IBTK: variants seen among roughly 807,000 people sequenced by gnomAD.
The protein encoded by IBTK is BTK-binding protein.
IBTK carries 83 observed loss-of-function variants against 154.9 expected under a neutral mutation model. The observed-to-expected ratio is 0.54, with a 90% CI of 0.45 to 0.64. The LOEUF is 0.64. Among genes scored for constraint, IBTK ranks in the 30% least tolerant of loss-of-function variants. The pLI is 0.00. For missense variants in IBTK, 1,332 were observed against 1,584.6 expected (o/e 0.84, Z 2.71); for synonymous variants, 515 against 536.1 (o/e 0.96, Z 0.54).
chr6:82,220,191 T>C lies in IBTK; in HGVS notation c.1248+399A>G, dbSNP rs1770046339. 5.9e-5 allele frequency among the ~76,000 whole-genome samples: 9 copies of C among 152,168 alleles called. No individual in the cohort carries two copies. In the South Asian group the frequency reaches 1.7e-3, roughly 28 times the overall value. On this transcript the variant is annotated intron_variant, in intron 9 of 28. Coordinates refer to ENST00000306270, the MANE Select transcript of IBTK (RefSeq NM_015525.4). ...TGACACTGTACTCTAGCCTGGCCAATAGAGCGAGACTGTCTCAAAAAAAAT... is the reference window on the plus strand; with the variant it reads ...TGACACTGTACTCTAGCCTGGCCAACAGAGCGAGACTGTCTCAAAAAAAAT...
In IBTK at chr6:82,170,442, A is replaced by C. The variant is rs1326195953; in HGVS notation, c.*983T>G. The C allele has an allele frequency of 6.6e-6, 1 of 152,224 alleles. No homozygotes were observed. Among genetic ancestry groups the C allele is most frequent in the African/African-American group, 2.4e-5 (1 of 41,458 alleles). The allele number at this position is 152,224 out of a possible 1,614,324, so 9.4% of individuals were successfully genotyped here. The stretch of plus-strand genomic sequence containing the variant: ...AATTTATCTAGGTACTGAAGCACAA[A>C]TTTAACATTTGTTTTTGCAAAATTT... On this transcript the variant is annotated 3_prime_UTR_variant, in exon 29 of 29. Transcript: ENST00000306270.
At chr6:82,203,878 G>A (rs555951926) in intron 17 of IBTK, among the ~76,000 whole-genome samples, 32 of 152,244 alleles carry the variant, frequency 2.1e-4, no homozygotes, top group African/African-American at 7.5e-4. Context: ...TAACCAAGGA[G>A]TAGACAGTCT....
intron 11 of IBTK, among the ~76,000 whole-genome samples, chr6:82,215,780 CAAAAA>C (rs59634766): frequency 1.2e-5 from 1 of 82,130 alleles, no homozygotes; most frequent in Non-Finnish European, 2.3e-5. Context: ...GACTCCATCT[CAAAAA>C]AAAAAAAAAA....
Position 82,225,435 on chromosome 6 carries a change from T to C in IBTK, c.825+42A>G, listed in dbSNP as rs749869752. The C allele has an allele frequency of 3.6e-5, 54 of 1,511,164 alleles. No homozygotes were observed. The South Asian group carries it at 5.1e-4, about 14-fold the overall frequency. The allele number at this position is 1,511,164 out of a possible 1,614,324, so 93.6% of individuals were successfully genotyped here. On this transcript the variant is annotated intron_variant, in intron 6 of 28. Coordinates refer to ENST00000306270, the MANE Select transcript of IBTK (RefSeq NM_015525.4). ...CATTTTTTTGTTCATACAGGTTTTA[T>C]TGCAAATGTAAAACCTTATTATTTA... is the stretch of plus-strand genomic sequence containing the variant.
rs1562091481 is a variant in IBTK, at chr6:82,211,556, C to A, written c.2308G>T (p.Val770Leu). 1 of 1,613,090 alleles carries A rather than the reference C, an allele frequency of 6.2e-7. No individual in the cohort carries two copies. The highest frequency in any genetic ancestry group is 1.3e-5 in the African/African-American group (1 of 74,880). The change falls in exon 14 of 29, where the codon GTG becomes TTG. Residue 770 changes from valine to leucine, a missense_variant. Around this residue, in one of 3 missense-constraint regions of IBTK, gnomAD observed 1,134 missense variants for 1,274.7 expected, o/e 0.89. Transcript: ENST00000306270. ...TTTCCATCCACTGATTTCATGGTCA[C>A]GTCACACAGAAATGAACTGCAAGAA... Reference protein sequence around the residue: ...SQKKCSFLCDVTMKSVDGKEF... With the variant: ...SQKKCSFLCDLTMKSVDGKEF...
chr6:82,240,952 T>C (rs1770923588), intron 1 of IBTK, 109 bp from the exon 2 acceptor site: 3 of 396,630 alleles, frequency 7.6e-6, no homozygotes, highest in Non-Finnish European at 1.3e-5. Context: ...AACCCATTTA[T>C]GCTTAGTGTT....
At chr6:82,233,155 CAAAAA>C (rs35870814) in intron 3 of IBTK, among the ~76,000 whole-genome samples, 3 of 93,388 alleles carry the variant, frequency 3.2e-5, no homozygotes, top group Admixed American at 1.1e-4. Flanking sequence ...GAAACTGTCT[CAAAAA>C]AAAAAAAAAA....
At chr6:82,233,715 T>A (rs1254232869) in intron 3 of IBTK, among the ~76,000 whole-genome samples, 1 of 147,536 alleles carries the variant, frequency 6.8e-6, no homozygotes, top group Admixed American at 6.8e-5. Flanking sequence ...TGTAAAGTTT[T>A]TTTTTTTTTT....
At chr6:82,245,792 C>A (rs188784347) in intron 1 of IBTK, among the ~76,000 whole-genome samples, 48 of 151,952 alleles carry the variant, frequency 3.2e-4, no homozygotes, top group East Asian at 3.1e-3. Flanking sequence ...GCAGGCAATC[C>A]AAAGACATAC....
At chr6:82,173,494 T>C in intron 26 of IBTK, 56 bp from the exon 27 acceptor site, 3 of 1,392,348 alleles carry the variant, frequency 2.2e-6, no homozygotes, top group Non-Finnish European at 2.0e-6. Context: ...TTAGTCAAAC[T>C]GCTTATTAAT....
intron 17 of IBTK, among the ~76,000 whole-genome samples, chr6:82,204,314 C>A (rs1769319051): frequency 6.6e-6 from 1 of 152,008 alleles, no homozygotes; most frequent in Admixed American, 6.6e-5. Flanking sequence ...ATTTGAGTGT[C>A]AGGGCCAAAA....
chr6:82,223,873 C>T (rs1437135466), intron 7 of IBTK, among the ~76,000 whole-genome samples, 195 bp downstream of exon 7: 1 of 152,108 alleles, frequency 6.6e-6, no homozygotes, highest in East Asian at 1.9e-4. Context: ...TCGTTTGAGC[C>T]CAGGAAGTCA....
chr6:82,241,981 A>C (rs1396332812), intron 1 of IBTK, among the ~76,000 whole-genome samples: 1 of 152,216 alleles, frequency 6.6e-6, no homozygotes, highest in Non-Finnish European at 1.5e-5. Context: ...TAGTTTTCTG[A>C]TCTTAACTAC....
Position 82,200,027 on chromosome 6 carries a change from A to G in IBTK, c.3025+114T>C, listed in dbSNP as rs116719308. 3.7e-3 allele frequency: 2,502 copies of G among 681,464 alleles called. 51 individuals are homozygous for G. The African/African-American group carries it at 0.04, about 11-fold the overall frequency. The allele number at this position is 681,464 out of a possible 1,614,324, so 42.2% of individuals were successfully genotyped here. ...TCAACTGGAGTACTTACAATAAACT[A>G]TCACTTTTGGTACCTCCATAAGGAC... On this transcript the variant is annotated intron_variant, in intron 21 of 28. Transcript: ENST00000306270.
At position 82,212,821 on chromosome 6, in the gene IBTK, T is replaced by C. The variant is rs761785481; in HGVS notation, c.2205-28A>G. ...ATCAAGGATAGATAAAAATTAACAA[T>C]TGATATTCCCCTACAAAAATAAACA... On this transcript the variant is annotated intron_variant, in intron 12 of 28. Transcript: ENST00000306270. 15 of 1,224,180 alleles carry C rather than the reference T, an allele frequency of 1.2e-5. No homozygotes were observed. The East Asian group carries it at 2.3e-4, about 19-fold the overall frequency. 75.8% of individuals were successfully genotyped at this position (1,224,180 alleles called of 1,614,324 possible).
chr6:82,214,210 T>G lies in IBTK; in HGVS notation c.2204+17A>C. 6.3e-7 allele frequency: 1 copy of G among 1,593,750 alleles called. No individual in the cohort carries two copies. Among genetic ancestry groups the G allele is most frequent in the Non-Finnish European group, 8.5e-7 (1 of 1,172,192 alleles). On this transcript the variant is annotated intron_variant, in intron 12 of 28. Transcript: ENST00000306270. ...ACTGAATGAGGTACAGGAACAGATA[T>G]AAAAGAGAAATCATACCTACTACTC...
At chr6:82,208,195 C>CA (rs1562089268) in intron 16 of IBTK, among the ~76,000 whole-genome samples, 1 of 150,758 alleles carries the variant, frequency 6.6e-6, no homozygotes, top group African/African-American at 2.4e-5. Flanking sequence ...TTATCTCTCT[C>CA]TATATATATA....
chr6:82,240,125 T>A, intron 2 of IBTK, 41 bp downstream of exon 2: 1 of 1,521,138 alleles, frequency 6.6e-7, no homozygotes, highest in Non-Finnish European at 9.0e-7. Context: ...GAAAAACATA[T>A]TCCAGACTAA....
Position 82,181,977 on chromosome 6 carries a change from T to C in IBTK, c.3627A>G (p.Leu1209=), listed in dbSNP as rs781672126. 6.2e-7 allele frequency: 1 copy of C among 1,606,078 alleles called. No individual in the cohort carries two copies. Among genetic ancestry groups the C allele is most frequent in the Non-Finnish European group, 8.5e-7 (1 of 1,178,110 alleles). ...GGCTAGTAACAGACTTTTTTTCTTCTAGTAAGAAATCCCGGAATGACTTGG... is the reference window on the plus strand; with the variant it reads ...GGCTAGTAACAGACTTTTTTTCTTCCAGTAAGAAATCCCGGAATGACTTGG... ...VSSKSFRDFL[L]EEKKSVTSHS... Residue 1209 remains leucine (L), a synonymous_variant, in exon 26 of 29, where the codon CTA becomes CTG. Coordinates refer to ENST00000306270, the MANE Select transcript of IBTK (RefSeq NM_015525.4).
Sources: allele counts gnomAD v4.1 joint callset (sites outside exome capture counted in the v4.1 genomes callset), GRCh38; gene constraint gnomAD v4.1.1; regional missense constraint gnomAD v4.1.1; transcripts MANE v1.5; gene names NCBI Gene and HGNC (gene_info 2026-07-23, HGNC 2026-07-21).